Variants in CBFA2T3 observed in about 807,000 individuals in gnomAD.
The protein encoded by CBFA2T3 is transcriptional corepressor CBFA2T3.
A neutral mutation model predicts 58.6 loss-of-function variants in CBFA2T3; 31 were observed. The ratio of observed to expected loss-of-function variants is 0.53; its 90% confidence interval spans 0.40 to 0.71. The LOEUF (loss-of-function observed/expected upper bound fraction) is 0.71, where lower values mean the gene tolerates loss of function less well. CBFA2T3 is among the 30% of genes least tolerant of loss of function. The pLI is 0.00. For missense variants in CBFA2T3, 1,076 were observed against 963.1 expected, an observed-to-expected ratio of 1.12 and a Z score of -1.55; for synonymous variants, 531 against 421.9, an observed-to-expected ratio of 1.26 and a Z score of -3.17.
intron 8 of CBFA2T3, 78 bp downstream of exon 8, chr16:88,882,596 CTG>C (rs1303982528): frequency 5.2e-6 from 4 of 764,266 alleles, no homozygotes; most frequent in African/African-American, 4.1e-5. Context: ...GTGTGCATGG[CTG>C]TGTGTGCGTG....
intron 1 of CBFA2T3, among the ~76,000 whole-genome samples, chr16:88,909,259 G>A (rs1218960745): frequency 6.6e-6 from 1 of 152,234 alleles, no homozygotes; most frequent in African/African-American, 2.4e-5. Flanking sequence ...GACGGGCTCT[G>A]GACCCAGAAC....
At chr16:88,968,168 T>A (rs1306455277) in intron 1 of CBFA2T3, among the ~76,000 whole-genome samples, 1 of 152,112 alleles carries the variant, frequency 6.6e-6, no homozygotes, top group African/African-American at 2.4e-5. Flanking sequence ...AGGCACGCCC[T>A]GGTGAGAGGC....
intron 5 of CBFA2T3, among the ~76,000 whole-genome samples, chr16:88,891,208 T>G (rs1969617268): frequency 6.6e-6 from 1 of 151,838 alleles, no homozygotes; most frequent in South Asian, 2.1e-4. Context: ...CCCCACGTAT[T>G]CTGTTCCAGT....
chr16:88,899,211 G>A (rs764766887), intron 2 of CBFA2T3, among the ~76,000 whole-genome samples: 7 of 152,128 alleles, frequency 4.6e-5, no homozygotes, highest in Non-Finnish European at 7.4e-5. Flanking sequence ...GCCAGTCCCC[G>A]GGGAGGAGCC....
chr16:88,905,002 G>A (rs1361994679), intron 1 of CBFA2T3, among the ~76,000 whole-genome samples: 15 of 152,150 alleles, frequency 9.9e-5, no homozygotes, highest in Admixed American at 9.2e-4. Context: ...CTCTACCCGA[G>A]AAAGCAGAAA....
intron 3 of CBFA2T3, among the ~76,000 whole-genome samples, chr16:88,897,710 G>A (rs999443939): frequency 2.6e-5 from 4 of 152,216 alleles, no homozygotes; most frequent in Admixed American, 6.5e-5. Flanking sequence ...AGGTAGGTGG[G>A]GTCTGCCCTA....
Position 88,891,954 on chromosome 16 carries a change from G to T in CBFA2T3, c.639C>A (p.Ile213=), listed in dbSNP as rs201600759. Residue 213 remains isoleucine (I), a synonymous_variant, in exon 5 of 12, where the codon ATC becomes ATA. Coordinates refer to ENST00000268679, the MANE Select transcript of CBFA2T3 (RefSeq NM_005187.6). ...VLGLVNSTLT[I]EEFHSKLQEA... ...CCTGAAGCTTGGAATGAAACTCCTC[G>T]ATCGTCAATGTCGAGTTCTGCAGGG... 2 of 1,612,986 alleles carry T rather than the reference G, an allele frequency of 1.2e-6. No individual in the cohort carries two copies. Among genetic ancestry groups the T allele is most frequent in the African/African-American group, 1.3e-5 (1 of 75,018 alleles).
chr16:88,901,710 AG>A, intron 1 of CBFA2T3, 54 bp from the exon 2 acceptor site: 1 of 1,471,736 alleles, frequency 6.8e-7, no homozygotes, highest in Middle Eastern at 1.9e-4. Context: ...TGCAAAGGCC[AG>A]GGCCCGCAGC....
chr16:88,932,239 C>T (rs1366373533), intron 1 of CBFA2T3, among the ~76,000 whole-genome samples: 42 of 131,228 alleles, frequency 3.2e-4, no homozygotes, highest in African/African-American at 1.1e-3. Context: ...ACATGGCCCC[C>T]GCTTCCCCCT....
chr16:88,961,372 C>G (rs1400231628), intron 1 of CBFA2T3, among the ~76,000 whole-genome samples: 1 of 152,086 alleles, frequency 6.6e-6, no homozygotes, highest in African/African-American at 2.4e-5. Context: ...TGGGCATTCC[C>G]ACTCCATAGC....
chr16:88,939,490 CCTTT>C (rs1324881195), intron 1 of CBFA2T3: 18 of 152,438 alleles, frequency 1.2e-4, no homozygotes, highest in African/African-American at 3.8e-4. Flanking sequence ...GGCGCTTCTT[CCTTT>C]CTGTTTCCCT....
At chr16:88,962,420 T>TG (rs1304190042) in intron 1 of CBFA2T3, among the ~76,000 whole-genome samples, 1 of 152,250 alleles carries the variant, frequency 6.6e-6, no homozygotes, top group East Asian at 1.9e-4. Flanking sequence ...CAGGCTGCTG[T>TG]GTCCACTGTG....
Position 88,892,494 on chromosome 16 carries a change from G to C in CBFA2T3, c.380-9C>G, listed in dbSNP as rs201277522. On this transcript the variant is annotated splice_polypyrimidine_tract_variant and intron_variant, in intron 3 of 11. Transcript: ENST00000268679. ...GCTGCTGCCGTTCATCACTGCAGGAGGGAAGCGGACATGAGGACACAAAGG... is the reference window on the plus strand; with the variant it reads ...GCTGCTGCCGTTCATCACTGCAGGACGGAAGCGGACATGAGGACACAAAGG... The C allele has an allele frequency of 2.4e-5, 38 of 1,610,990 alleles. No homozygotes were observed. The African/African-American group carries it at 3.2e-4, about 14-fold the overall frequency.
intron 1 of CBFA2T3, among the ~76,000 whole-genome samples, chr16:88,944,060 G>C (rs984661373): frequency 7.9e-5 from 12 of 152,120 alleles, no homozygotes; most frequent in African/African-American, 2.2e-4. Flanking sequence ...CACCACGGCC[G>C]GGTGCGGTGG....
intron 1 of CBFA2T3, among the ~76,000 whole-genome samples, chr16:88,916,143 G>T (rs765836127): frequency 7.0e-6 from 1 of 143,500 alleles, no homozygotes; most frequent in East Asian, 2.0e-4. Flanking sequence ...TGTACATGTG[G>T]GTGTGTGTGC....
At chr16:88,936,574 G>T (rs1015011251) in intron 1 of CBFA2T3, among the ~76,000 whole-genome samples, 1 of 152,186 alleles carries the variant, frequency 6.6e-6, no homozygotes, top group African/African-American at 2.4e-5. Context: ...CAGACCCGAC[G>T]GGGCAGAACC....
intron 4 of CBFA2T3, 125 bp from the exon 5 acceptor site, chr16:88,892,096 G>T: frequency 1.5e-6 from 2 of 1,346,970 alleles, no homozygotes; most frequent in Non-Finnish European, 2.1e-6. Context: ...GCTGGGCACG[G>T]CCTGAGAGGG....
chr16:88,892,365 G>T lies in CBFA2T3; in HGVS notation c.500C>A (p.Pro167Gln), dbSNP rs1302539865. The change falls in exon 4 of 12, where the codon CCA becomes CAA. Residue 167 changes from proline to glutamine, a missense_variant. Physicochemically the swap from Pro to Gln is moderately conservative, Grantham distance 76. Transcript: ENST00000268679. ...TASLSTQHLPPACGARQLSKL... is the reference protein window; with the variant it reads ...TASLSTQHLPQACGARQLSKL... ...GCTGAGCTGCCGGGCCCCGCAGGCT[G>T]GGGGCAGGTGCTGTGTGGACAAGGA... 1 of 1,613,254 alleles carries T rather than the reference G, an allele frequency of 6.2e-7. No individual in the cohort carries two copies. Among genetic ancestry groups the T allele is most frequent in the Non-Finnish European group, 8.5e-7 (1 of 1,179,976 alleles).
chr16:88,904,511 C>T (rs187878543), intron 1 of CBFA2T3, among the ~76,000 whole-genome samples: 91 of 152,352 alleles, frequency 6.0e-4, no homozygotes, highest in Admixed American at 3.9e-3. Flanking sequence ...GTCATCAACA[C>T]GCTTGCCTCC....
Sources: gnomAD v4.1 joint callset for allele counts (sites outside exome capture counted in the v4.1 genomes callset) on GRCh38, gnomAD v4.1.1 for gene constraint, MANE v1.5 for transcripts, NCBI Gene and HGNC (gene_info 2026-07-23, HGNC 2026-07-21) for gene names.